The following PPP3CA variants were observed in gnomAD, a reference collection of about 807,000 sequenced individuals.
The protein encoded by PPP3CA is CAM-PRP catalytic subunit.
In PPP3CA, 14 loss-of-function variants were observed where a neutral mutation model predicts 66.5. The ratio of observed to expected loss-of-function variants is 0.21; its 90% CI spans 0.14 to 0.33. The LOEUF (loss-of-function observed/expected upper bound fraction) is 0.33, where lower values mean the gene tolerates loss of function less well. PPP3CA is among the 10% of genes least tolerant of loss of function. The pLI is 1.00. For missense variants in PPP3CA, 317 were observed against 639.5 expected, an observed-to-expected ratio of 0.50 and a Z score of 5.44; for synonymous variants, 232 against 226.2, an observed-to-expected ratio of 1.03 and a Z score of -0.23.
intron 2 of PPP3CA, among the ~76,000 whole-genome samples, chr4:101,160,602 G>A (rs894576563): frequency 7.9e-5 from 12 of 151,980 alleles, no homozygotes; most frequent in Non-Finnish European, 1.8e-4. Context: ...ATGAAGTCAA[G>A]GTGTTACTGG....
chr4:101,289,847 C>T (rs1427903580), intron 1 of PPP3CA, among the ~76,000 whole-genome samples: 2 of 150,302 alleles, frequency 1.3e-5, no homozygotes, highest in African/African-American at 4.9e-5. Flanking sequence ...AACAATATCA[C>T]TATAATCCCA....
intron 1 of PPP3CA, among the ~76,000 whole-genome samples, chr4:101,220,792 T>C (rs1378237684): frequency 6.6e-6 from 1 of 151,666 alleles, no homozygotes; most frequent in Non-Finnish European, 1.5e-5. Context: ...TCACATTAAA[T>C]TATGGCAGGT....
At chr4:101,226,921 T>C (rs1371020555) in intron 1 of PPP3CA, among the ~76,000 whole-genome samples, 1 of 151,588 alleles carries the variant, frequency 6.6e-6, no homozygotes, top group Non-Finnish European at 1.5e-5. Context: ...AACATGTCCA[T>C]GGTTCAGGAT....
intron 2 of PPP3CA, among the ~76,000 whole-genome samples, chr4:101,148,511 C>A (rs143122631): frequency 1.3e-5 from 2 of 152,106 alleles, no homozygotes; most frequent in Non-Finnish European, 2.9e-5. Context: ...TTTATACTTA[C>A]AAATAGTGAA....
chr4:101,108,663 G>A (rs865959677), intron 3 of PPP3CA, among the ~76,000 whole-genome samples: 3 of 152,288 alleles, frequency 2.0e-5, no homozygotes, highest in Middle Eastern at 3.4e-3. Context: ...CTACTCAGGA[G>A]GCTGAGGCAG....
intron 2 of PPP3CA, among the ~76,000 whole-genome samples, chr4:101,126,413 C>A (rs1722247998): frequency 6.6e-6 from 1 of 152,140 alleles, no homozygotes; most frequent in South Asian, 2.1e-4. Flanking sequence ...GTACAATTTC[C>A]ATATTTCTCT....
chr4:101,198,541 A>G (rs545150436), intron 1 of PPP3CA, among the ~76,000 whole-genome samples: 78 of 152,304 alleles, frequency 5.1e-4, no homozygotes, highest in African/African-American at 1.8e-3. Context: ...AGGAGCACAG[A>G]AGGGAAGGAG....
chr4:101,267,810 T>G (rs1297718563), intron 1 of PPP3CA, among the ~76,000 whole-genome samples: 1 of 152,174 alleles, frequency 6.6e-6, no homozygotes, highest in Non-Finnish European at 1.5e-5. Flanking sequence ...TTTATAACCA[T>G]AGTTTATACA....
At chr4:101,064,172 A>C (rs751895034) in intron 8 of PPP3CA, among the ~76,000 whole-genome samples, 2 of 151,980 alleles carry the variant, frequency 1.3e-5, no homozygotes, top group Non-Finnish European at 2.9e-5. Context: ...AGGAAGACAA[A>C]TCTGCATGCT....
chr4:101,314,983 A>G (rs2044043), intron 1 of PPP3CA, among the ~76,000 whole-genome samples: 66,946 of 151,828 alleles, frequency 0.44, 17,342 homozygotes, highest in African/African-American at 0.72. Context: ...CATTAAATAC[A>G]ACAGTCCTAC....
At chr4:101,048,509 CAAAAAAA>C (rs59988569) in intron 10 of PPP3CA, among the ~76,000 whole-genome samples, 1 of 66,350 alleles carries the variant, frequency 1.5e-5, no homozygotes, top group Non-Finnish European at 3.0e-5. Context: ...TTTCTCTCAC[CAAAAAAA>C]AAAAAAAAAA....
At chr4:101,032,784 A>G (rs1255593353) in intron 11 of PPP3CA, among the ~76,000 whole-genome samples, 2 of 152,182 alleles carry the variant, frequency 1.3e-5, no homozygotes, top group African/African-American at 4.8e-5. Context: ...TTGACGGAAT[A>G]AAAAAACAGA....
intron 3 of PPP3CA, among the ~76,000 whole-genome samples, chr4:101,100,388 A>G (rs1318890950): frequency 1.3e-5 from 2 of 152,068 alleles, no homozygotes; most frequent in Non-Finnish European, 2.9e-5. Flanking sequence ...TTACAAAGAG[A>G]AGTGACCTTA....
chr4:101,217,957 G>A (rs570312731), intron 1 of PPP3CA, among the ~76,000 whole-genome samples: 4 of 152,028 alleles, frequency 2.6e-5, no homozygotes, highest in East Asian at 3.9e-4. Context: ...CCCGAGTGAC[G>A]CTCAAGGGAC....
chr4:101,026,699 G>A (rs538390223), intron 13 of PPP3CA, among the ~76,000 whole-genome samples: 17 of 152,148 alleles, frequency 1.1e-4, no homozygotes, highest in African/African-American at 4.1e-4. Flanking sequence ...AACTTTGGAA[G>A]CATGTGGAGT....
chr4:101,037,712 A>C (rs1727314760), intron 11 of PPP3CA, among the ~76,000 whole-genome samples: 1 of 152,164 alleles, frequency 6.6e-6, no homozygotes. Context: ...GCATGCCTCT[A>C]ATCTCACGAA....
At chr4:101,221,587 TA>T (rs929102384) in intron 1 of PPP3CA, among the ~76,000 whole-genome samples, 8 of 151,100 alleles carry the variant, frequency 5.3e-5, no homozygotes, top group Admixed American at 5.3e-4. Flanking sequence ...CAAAACAAAA[TA>T]AAAAAGAATA....
chr4:101,046,114 C>G (rs1727753011), intron 10 of PPP3CA, among the ~76,000 whole-genome samples: 1 of 152,136 alleles, frequency 6.6e-6, no homozygotes, highest in South Asian at 2.1e-4. Context: ...ATGAAGACTT[C>G]TCACTGGAGT....
chr4:101,285,771 G>T (rs1727828272), intron 1 of PPP3CA, among the ~76,000 whole-genome samples: 1 of 152,024 alleles, frequency 6.6e-6, no homozygotes, highest in African/African-American at 2.4e-5. Context: ...AATGCAAGCT[G>T]CTATGAATCA....
Sources: allele counts gnomAD v4.1 joint callset (sites outside exome capture counted in the v4.1 genomes callset), GRCh38; gene constraint gnomAD v4.1.1; transcripts MANE v1.5; gene names NCBI Gene and HGNC (gene_info 2026-07-23, HGNC 2026-07-21).